Variants in FAM13B observed in about 807,000 individuals in gnomAD.
FAM13B encodes protein FAM13B.
A neutral mutation model predicts 117.3 loss-of-function variants in FAM13B; 60 were observed. The observed-to-expected ratio is 0.51, with a 90% CI of 0.42 to 0.63. The LOEUF is 0.63. FAM13B is among the 30% of genes least tolerant of loss of function. The pLI is 0.00. For synonymous variants in FAM13B, 332 were observed against 356.1 expected (o/e 0.93, Z 0.76); for missense variants, 972 against 1,091.9 (o/e 0.89, Z 1.55).
chr5:137,990,679 T>G (rs1314367340), intron 7 of FAM13B, among the ~76,000 whole-genome samples: 1 of 152,010 alleles, frequency 6.6e-6, no homozygotes, highest in Non-Finnish European at 1.5e-5. Context: ...AGGAGCCAGG[T>G]GCCAGTGGCT....
intron 20 of FAM13B, among the ~76,000 whole-genome samples, chr5:137,943,504 T>C (rs1470904101): frequency 6.6e-6 from 1 of 152,218 alleles, no homozygotes; most frequent in Non-Finnish European, 1.5e-5. Flanking sequence ...CCCAGCACTT[T>C]GGGAGGCCAA....
rs775659112 is a variant in FAM13B at position 137,943,051 on chromosome 5, C to T, written c.2425-13G>A. 6.8e-6 allele frequency: 11 copies of T among 1,612,402 alleles called. No individual in the cohort carries two copies. Among genetic ancestry groups the T allele is most frequent in the Non-Finnish European group, 9.3e-6 (11 of 1,179,416 alleles). The stretch of plus-strand genomic sequence containing the variant: ...CTTCTTCTTCCTCCTAAAAAGATAT[C>T]CAAACAGAGAATCAAACATGCCTTG... On this transcript the variant is annotated splice_polypyrimidine_tract_variant and intron_variant, in intron 21 of 23. Transcript: ENST00000689681.
intron 10 of FAM13B, among the ~76,000 whole-genome samples, chr5:137,974,959 T>C (rs906585970): frequency 6.6e-6 from 1 of 152,198 alleles, no homozygotes; most frequent in Non-Finnish European, 1.5e-5. Context: ...TTAGTGTCCA[T>C]AAATTAAATT....
At chr5:137,984,917 C>CACA (rs1345094723) in intron 10 of FAM13B, among the ~76,000 whole-genome samples, 1 of 151,848 alleles carries the variant, frequency 6.6e-6, no homozygotes, top group Non-Finnish European at 1.5e-5. Flanking sequence ...TACAGGCGCC[C>CACA]ACCACCACGC....
intron 4 of FAM13B, 24 bp downstream of exon 4, chr5:138,018,278 T>C (rs568218276): frequency 1.1e-5 from 18 of 1,569,786 alleles, no homozygotes; most frequent in African/African-American, 2.7e-5. Flanking sequence ...AAATGACCAA[T>C]TGATAAGTAT....
chr5:138,025,311 G>GTTTTTTTTT (rs1313222757), intron 1 of FAM13B, among the ~76,000 whole-genome samples: 2 of 19,610 alleles, frequency 1.0e-4, no homozygotes, highest in African/African-American at 3.2e-4. Flanking sequence ...ATATATATAT[G>GTTTTTTTTT]TATTTTTTTT....
intron 7 of FAM13B, among the ~76,000 whole-genome samples, chr5:137,994,283 A>T (rs2150689342): frequency 6.6e-6 from 1 of 152,342 alleles, no homozygotes; most frequent in African/African-American, 2.4e-5. Flanking sequence ...TTCTACTTTA[A>T]GAGTCAGGTT....
intron 1 of FAM13B, among the ~76,000 whole-genome samples, chr5:138,045,974 G>C (rs1297923256): frequency 4.6e-5 from 7 of 151,728 alleles, no homozygotes; most frequent in African/African-American, 1.7e-4. Flanking sequence ...TAAAGAGTAT[G>C]ATGTGGTTTG....
intron 10 of FAM13B, among the ~76,000 whole-genome samples, chr5:137,964,883 T>C (rs372868482): frequency 2.0e-5 from 3 of 150,474 alleles, no homozygotes; most frequent in East Asian, 4.0e-4. Flanking sequence ...ACCATCTATA[T>C]TGGCCAGGCA....
chr5:137,954,093 G>C (rs1205021818), intron 15 of FAM13B, 73 bp downstream of exon 15: 6 of 948,098 alleles, frequency 6.3e-6, no homozygotes, highest in Non-Finnish European at 9.2e-6. Flanking sequence ...GCCCAGGCTG[G>C]AAGACTAAAT....
chr5:138,019,942 G>A, intron 2 of FAM13B: 1 of 745,412 alleles, frequency 1.3e-6, no homozygotes, highest in Non-Finnish European at 1.6e-6. Flanking sequence ...GGCCCCCAAA[G>A]TGCTGGGATT....
At chr5:138,022,478 T>C (rs569273224) in intron 1 of FAM13B, among the ~76,000 whole-genome samples, 1 of 152,316 alleles carries the variant, frequency 6.6e-6, no homozygotes, top group Non-Finnish European at 1.5e-5. Flanking sequence ...ATTAGTAACA[T>C]ACACCTCCAG....
At chr5:138,044,140 G>T (rs1791577219) in intron 1 of FAM13B, among the ~76,000 whole-genome samples, 1 of 151,782 alleles carries the variant, frequency 6.6e-6, no homozygotes, top group South Asian at 2.1e-4. Flanking sequence ...TGTTGCCCAG[G>T]CTGGTCTTGA....
chr5:137,975,368 G>T (rs1410961270), intron 10 of FAM13B, among the ~76,000 whole-genome samples: 1 of 152,166 alleles, frequency 6.6e-6, no homozygotes, highest in African/African-American at 2.4e-5. Context: ...AACCAATGTG[G>T]TCTAGTTTAT....
intron 7 of FAM13B, among the ~76,000 whole-genome samples, chr5:137,989,179 G>A (rs560890088): frequency 1.3e-5 from 2 of 152,280 alleles, no homozygotes; most frequent in Admixed American, 6.5e-5. Context: ...TTTTTTAAAC[G>A]TAAATTAGTT....
intron 10 of FAM13B, among the ~76,000 whole-genome samples, chr5:137,978,022 G>C (rs777914492): frequency 6.6e-6 from 1 of 151,798 alleles, no homozygotes; most frequent in African/African-American, 2.4e-5. Flanking sequence ...AATTGGGACT[G>C]CATTAGCTTT....
At position 137,943,044 on chromosome 5, in the gene FAM13B, A is replaced by C. The variant is rs41298972; in HGVS notation, c.2425-6T>G. Reference sequence around the variant, plus strand: ...ACACCATCTTCTTCTTCCTCCTAAAAAGATATCCAAACAGAGAATCAAACA... The same window carrying C: ...ACACCATCTTCTTCTTCCTCCTAAACAGATATCCAAACAGAGAATCAAACA... On this transcript the variant is annotated splice_region_variant and splice_polypyrimidine_tract_variant and intron_variant, in intron 21 of 23. Transcript: ENST00000689681. The C allele has an allele frequency of 6.9e-3, 11,120 of 1,612,600 alleles. 49 individuals carry two copies. The highest frequency in any genetic ancestry group is 0.021 in the Middle Eastern group (129 of 6,056).
chr5:138,037,399 C>G (rs1791267003), upstream of FAM13B: 1 of 150,766 alleles, frequency 6.6e-6, no homozygotes, highest in African/African-American at 2.4e-5. Flanking sequence ...AGGAATATAT[C>G]TTTGCTACAA....
chr5:138,027,112 C>A (rs1788637130), intron 1 of FAM13B, among the ~76,000 whole-genome samples: 1 of 151,944 alleles, frequency 6.6e-6, no homozygotes, highest in Non-Finnish European at 1.5e-5. Context: ...TGGGCCTGGG[C>A]AACAGAATGA....
Sources: gnomAD v4.1 joint callset for allele counts (sites outside exome capture counted in the v4.1 genomes callset) on GRCh38, gnomAD v4.1.1 for gene constraint, MANE v1.5 for transcripts, NCBI Gene and HGNC (gene_info 2026-07-23, HGNC 2026-07-21) for gene names.